MGMT: variants seen among roughly 807,000 people sequenced by gnomAD.
The protein encoded by MGMT is methylated-DNA--protein-cysteine methyltransferase.
In MGMT, 14 loss-of-function variants were observed where a neutral mutation model predicts 15.9. The ratio of observed to expected loss-of-function variants is 0.88; its 90% CI spans 0.58 to 1.37. The LOEUF is 1.37. Ranked by LOEUF, MGMT falls within the 40% of genes most tolerant of loss-of-function variation. MGMT has a pLI of 0.00. For missense variants in MGMT, 282 were observed against 268.1 expected, an observed-to-expected ratio of 1.05 and a Z score of -0.36; for synonymous variants, 130 against 118.2, an observed-to-expected ratio of 1.10 and a Z score of -0.65.
At chr10:129,531,645 C>T (rs1845933157) in intron 1 of MGMT, among the ~76,000 whole-genome samples, 1 of 152,132 alleles carries the variant, frequency 6.6e-6, no homozygotes, top group Non-Finnish European at 1.5e-5. Context: ...CTAACTTCTA[C>T]TGCTGCCCAC....
At chr10:129,577,073 G>A (rs1206582911) in intron 2 of MGMT, among the ~76,000 whole-genome samples, 1 of 152,034 alleles carries the variant, frequency 6.6e-6, no homozygotes, top group Non-Finnish European at 1.5e-5. Flanking sequence ...ATGCTCATGG[G>A]TAGGAAGAAT....
At chr10:129,712,786 C>T (rs978630268) in intron 3 of MGMT, among the ~76,000 whole-genome samples, 1 of 152,148 alleles carries the variant, frequency 6.6e-6, no homozygotes, top group Non-Finnish European at 1.5e-5. Flanking sequence ...AGAAATCCTT[C>T]TTGAAGAGCC....
intron 2 of MGMT, among the ~76,000 whole-genome samples, chr10:129,653,294 T>C (rs1055517145): frequency 2.0e-5 from 3 of 152,242 alleles, no homozygotes; most frequent in Non-Finnish European, 4.4e-5. Flanking sequence ...CTTTGAAAAT[T>C]AGCATCCCTA....
rs543381690 is a variant in MGMT, at chr10:129,707,776, G to T, written c.126-119G>T. 5.9e-4 allele frequency: 795 copies of T among 1,341,586 alleles called. 1 individual carries two copies. In the African/African-American group the frequency reaches 0.01, roughly 18 times the overall value. The allele number at this position is 1,341,586 out of a possible 1,614,324, so 83.1% of individuals were successfully genotyped here. ...TTTCTGCTGCACAGCTAGTTGAGAC[G>T]TGTGTGCCCATGAAGCAGCCACAGG... On this transcript the variant is annotated intron_variant, in intron 2 of 4. Transcript: ENST00000651593.
intron 1 of MGMT, among the ~76,000 whole-genome samples, chr10:129,499,790 T>C (rs1845557069): frequency 6.6e-6 from 1 of 152,232 alleles, no homozygotes; most frequent in Admixed American, 6.5e-5. Flanking sequence ...CTATGTAGAA[T>C]CTGATCACGA....
chr10:129,518,845 T>C (rs1022723116), intron 1 of MGMT, among the ~76,000 whole-genome samples: 2 of 151,736 alleles, frequency 1.3e-5, no homozygotes, highest in African/African-American at 4.8e-5. Flanking sequence ...TTTTTGACTG[T>C]GTGGGGCTTC....
intron 1 of MGMT, among the ~76,000 whole-genome samples, chr10:129,520,741 C>T (rs759666589): frequency 5.3e-5 from 8 of 150,868 alleles, no homozygotes; most frequent in Non-Finnish European, 1.2e-4. Flanking sequence ...GGGTACAGAA[C>T]CCCTACGGTG....
chr10:129,673,096 T>C (rs1847743217), intron 2 of MGMT, among the ~76,000 whole-genome samples: 1 of 152,116 alleles, frequency 6.6e-6, no homozygotes, highest in African/African-American at 2.4e-5. Flanking sequence ...AAGTTGAGGG[T>C]GCTCAAAGGA....
At chr10:129,631,938 T>A (rs968540026) in intron 2 of MGMT, among the ~76,000 whole-genome samples, 1 of 152,262 alleles carries the variant, frequency 6.6e-6, no homozygotes, top group Admixed American at 6.5e-5. Context: ...GGGCTCCCTA[T>A]GTTGCCCAGG....
intron 2 of MGMT, among the ~76,000 whole-genome samples, chr10:129,619,913 A>G (rs1014533243): frequency 6.6e-6 from 1 of 151,782 alleles, no homozygotes; most frequent in Non-Finnish European, 1.5e-5. Flanking sequence ...TATTTTATTG[A>G]TTTTTATTTT....
In MGMT at chr10:129,605,466, C is replaced by T. The variant is rs553276815; in HGVS notation, c.125+69089C>T. ...ACTTCCGTGTGCTCCCTAGGGAGTT[C>T]ACTTATTCATATTGTAGGTTTCATT... On this transcript the variant is annotated intron_variant, in intron 2 of 4. Coordinates refer to ENST00000651593, the MANE Select transcript of MGMT (RefSeq NM_002412.5). Among the ~76,000 whole-genome samples the T allele has an allele frequency of 6.4e-4, 97 of 152,226 alleles. 1 individual carries two copies. The South Asian group carries it at 7.9e-3, about 12-fold the overall frequency.
chr10:129,595,392 A>G (rs577539537), intron 2 of MGMT, among the ~76,000 whole-genome samples: 1 of 152,244 alleles, frequency 6.6e-6, no homozygotes, highest in South Asian at 2.1e-4. Flanking sequence ...TTCTTTGTTC[A>G]TGCCCGTGAC....
At chr10:129,522,014 A>C (rs527396640) in intron 1 of MGMT, among the ~76,000 whole-genome samples, 1 of 152,350 alleles carries the variant, frequency 6.6e-6, no homozygotes, top group African/African-American at 2.4e-5. Flanking sequence ...AGCAGGCAGC[A>C]AAGGGCCCTG....
At chr10:129,749,583 T>C (rs1212671974) in intron 3 of MGMT, among the ~76,000 whole-genome samples, 1 of 152,200 alleles carries the variant, frequency 6.6e-6, no homozygotes, top group African/African-American at 2.4e-5. Flanking sequence ...GCTATAAACA[T>C]TCACAGGCAG....
intron 2 of MGMT, among the ~76,000 whole-genome samples, chr10:129,588,048 G>GC (rs1846637942): frequency 6.6e-6 from 1 of 152,190 alleles, no homozygotes; most frequent in Non-Finnish European, 1.5e-5. Context: ...TTCACTAGTT[G>GC]CAACTACAGT....
At chr10:129,674,411 C>T (rs1443386084) in intron 2 of MGMT, among the ~76,000 whole-genome samples, 1 of 152,222 alleles carries the variant, frequency 6.6e-6, no homozygotes, top group Non-Finnish European at 1.5e-5. Context: ...CTTCAGGGAT[C>T]TGGCTTTGCA....
rs529909448 is a variant in MGMT at position 129,551,154 on chromosome 10, A to G, written c.125+14777A>G. Among the ~76,000 whole-genome samples the G allele has an allele frequency of 7.9e-5, 12 of 152,348 alleles. No homozygotes were observed. The South Asian group carries it at 2.3e-3, about 29-fold the overall frequency. On this transcript the variant is annotated intron_variant, in intron 2 of 4. Coordinates refer to ENST00000651593, the MANE Select transcript of MGMT (RefSeq NM_002412.5). ...GGAATTCAAAGAAATAGAACATTCT[A>G]CACAAATGTGGGGAGGTATCTTTAG...
intron 3 of MGMT, among the ~76,000 whole-genome samples, chr10:129,727,516 G>A (rs1485545542): frequency 2.6e-5 from 4 of 152,208 alleles, no homozygotes; most frequent in African/African-American, 9.6e-5. Context: ...CACGAAGTTG[G>A]GGATTATCTG....
rs189011635 is a variant in MGMT, at chr10:129,487,933, G to A, written c.-13+20637G>A. ...TAGGGGTGTGTGTGTGTGTGTGTGT[G>A]TGTATATATATACACACACAAACAC... On this transcript the variant is annotated intron_variant, in intron 1 of 4. Transcript: ENST00000651593. Among the ~76,000 whole-genome samples, 560 of 143,230 alleles carry A rather than the reference G, an allele frequency of 3.9e-3. 6 individuals carry two copies. Among genetic ancestry groups the A allele is most frequent in the African/African-American group, 0.013 (481 of 37,768 alleles). The allele number at this position is 143,230 out of a possible 152,430, so 94.0% of individuals were successfully genotyped here.
Sources: gnomAD v4.1 joint callset for allele counts (sites outside exome capture counted in the v4.1 genomes callset) on GRCh38, gnomAD v4.1.1 for gene constraint, MANE v1.5 for transcripts, NCBI Gene and HGNC (gene_info 2026-07-23, HGNC 2026-07-21) for gene names.